Variants in PDE1C observed in about 807,000 individuals in gnomAD.
PDE1C encodes the protein phosphodiesterase 1C, also known as dual specificity calcium/calmodulin-dependent 3',5'-cyclic nucleotide phosphodiesterase 1C.
PDE1C carries 62 observed loss-of-function variants against 93.1 expected under a neutral mutation model. The ratio of observed to expected loss-of-function variants is 0.67; its 90% CI spans 0.54 to 0.82. The LOEUF (loss-of-function observed/expected upper bound fraction) is 0.82, where lower values mean the gene tolerates loss of function less well. Among genes scored for constraint, PDE1C ranks in the 40% least tolerant of loss-of-function variants. The pLI, the probability that PDE1C is intolerant of heterozygous loss-of-function variation, is 0.00. For missense variants in PDE1C, 742 were observed against 884.6 expected (o/e 0.84, Z 2.04); for synonymous variants, 325 against 310.1 (o/e 1.05, Z -0.50).
chr7:32,152,238 C>T (rs141401099), intron 3 of PDE1C, among the ~76,000 whole-genome samples: 231 of 152,220 alleles, frequency 1.5e-3, no homozygotes, highest in African/African-American at 4.4e-3. Context: ...TTTCACCCTC[C>T]GCTCTGCTGC....
At chr7:32,165,051 G>T (rs958447515) in intron 3 of PDE1C, among the ~76,000 whole-genome samples, 3 of 152,152 alleles carry the variant, frequency 2.0e-5, no homozygotes, top group African/African-American at 7.2e-5. Flanking sequence ...TTTATTTGTG[G>T]TTCCCACTTT....
At chr7:31,766,038 G>A (rs1269609264) in intron 17 of PDE1C, among the ~76,000 whole-genome samples, 1 of 151,054 alleles carries the variant, frequency 6.6e-6, no homozygotes, top group Non-Finnish European at 1.5e-5. Flanking sequence ...CATAATACAT[G>A]TTAAGGACCT....
the PDE1C span, among the ~76,000 whole-genome samples, chr7:31,735,280 C>T: frequency 7.2e-5 from 11 of 152,070 alleles, no homozygotes; most frequent in African/African-American, 2.7e-4. Flanking sequence ...TGCCTGTAAT[C>T]CCAGCTACTT....
intron 2 of PDE1C, among the ~76,000 whole-genome samples, chr7:32,000,820 C>T (rs775341522): frequency 1.3e-5 from 2 of 152,174 alleles, no homozygotes; most frequent in South Asian, 4.1e-4. Context: ...GCCCCCACAC[C>T]ATTTCATATG....
chr7:32,134,855 C>T (rs112275533), intron 3 of PDE1C, among the ~76,000 whole-genome samples: 48,754 of 151,944 alleles, frequency 0.32, 8,623 homozygotes, highest in South Asian at 0.41. Context: ...CAGCAAACCA[C>T]GATGGCACAT....
chr7:31,976,586 A>C (rs1234101679), intron 2 of PDE1C, among the ~76,000 whole-genome samples: 3 of 152,166 alleles, frequency 2.0e-5, no homozygotes, highest in Non-Finnish European at 4.4e-5. Flanking sequence ...AACTATCAAC[A>C]AACATTGGAA....
intron 1 of PDE1C, among the ~76,000 whole-genome samples, chr7:32,401,052 C>T (rs1225623339): frequency 6.6e-6 from 1 of 152,234 alleles, no homozygotes; most frequent in Non-Finnish European, 1.5e-5. Flanking sequence ...TGTTAAAGGT[C>T]ATGGTCATAA....
intron 3 of PDE1C, among the ~76,000 whole-genome samples, chr7:32,117,146 T>G (rs927210471): frequency 6.6e-6 from 1 of 152,186 alleles, no homozygotes; most frequent in Non-Finnish European, 1.5e-5. Context: ...TTCTACCTAT[T>G]TTGATATGGT....
chr7:31,851,518 C>T (rs190505797), intron 7 of PDE1C, among the ~76,000 whole-genome samples: 7 of 152,284 alleles, frequency 4.6e-5, no homozygotes, highest in East Asian at 3.9e-4. Context: ...TTCCATTTAA[C>T]GGACTCTGTG....
chr7:32,126,498 A>T (rs867749677), intron 3 of PDE1C, among the ~76,000 whole-genome samples: 2 of 152,164 alleles, frequency 1.3e-5, no homozygotes, highest in Non-Finnish European at 2.9e-5. Context: ...ACAAACAGGG[A>T]GTCTGGCTAG....
At chr7:31,888,734 C>T (rs1429022184) in intron 2 of PDE1C, among the ~76,000 whole-genome samples, 2 of 151,858 alleles carry the variant, frequency 1.3e-5, no homozygotes, top group South Asian at 4.2e-4. Context: ...AATTGATCTA[C>T]TGAATATTGT....
chr7:31,630,510 G>T, the PDE1C span, among the ~76,000 whole-genome samples: 1 of 152,060 alleles, frequency 6.6e-6, no homozygotes, highest in Non-Finnish European at 1.5e-5. Flanking sequence ...TAGTAATGTT[G>T]AACTAATAAA....
the PDE1C span, among the ~76,000 whole-genome samples, chr7:31,623,088 G>C: frequency 6.6e-6 from 1 of 152,140 alleles, no homozygotes; most frequent in African/African-American, 2.4e-5. Context: ...CCAATAACAG[G>C]ATCTGAAATT....
chr7:31,649,477 T>C, the PDE1C span, among the ~76,000 whole-genome samples: 1 of 152,208 alleles, frequency 6.6e-6, no homozygotes, highest in Non-Finnish European at 1.5e-5. Context: ...CACTGGCCAT[T>C]GTCTCTACAA....
intron 7 of PDE1C, among the ~76,000 whole-genome samples, chr7:31,860,672 T>C (rs1460228353): frequency 1.3e-5 from 2 of 152,198 alleles, no homozygotes; most frequent in Non-Finnish European, 2.9e-5. Context: ...AATTTGTTTA[T>C]GATGCTTTTT....
intron 2 of PDE1C, among the ~76,000 whole-genome samples, chr7:31,974,292 A>G (rs936847244): frequency 6.6e-6 from 1 of 152,242 alleles, no homozygotes. Context: ...CCTATTGATT[A>G]AAAGCAAAAT....
chr7:31,794,053 CA>C (rs1784942534), intron 16 of PDE1C, among the ~76,000 whole-genome samples: 2 of 138,828 alleles, frequency 1.4e-5, no homozygotes, highest in African/African-American at 5.7e-5. Flanking sequence ...GACAGACAGA[CA>C]GACAGACAGA....
chr7:31,668,273 C>T, the PDE1C span, among the ~76,000 whole-genome samples: 1,062 of 152,200 alleles, frequency 7.0e-3, 7 homozygotes, highest in Admixed American at 0.011. Flanking sequence ...TTGTCAGTTG[C>T]TCAAGATGCT....
At chr7:31,862,574 G>A (rs1191778267) in intron 7 of PDE1C, among the ~76,000 whole-genome samples, 2 of 152,132 alleles carry the variant, frequency 1.3e-5, no homozygotes, top group African/African-American at 4.8e-5. Flanking sequence ...ATTTATAGAT[G>A]ACTGTGTCCT....
Sources: gnomAD v4.1 joint callset for allele counts (sites outside exome capture counted in the v4.1 genomes callset) on GRCh38, gnomAD v4.1.1 for gene constraint, MANE v1.5 for transcripts, NCBI Gene and HGNC (gene_info 2026-07-23, HGNC 2026-07-21) for gene names.